TMEM132C: variants seen among roughly 807,000 people sequenced by gnomAD.
TMEM132C encodes transmembrane protein 132C.
In TMEM132C, 29 loss-of-function variants were observed where a neutral mutation model predicts 61.4. The observed-to-expected ratio is 0.47, with a 90% CI of 0.35 to 0.64. The LOEUF (loss-of-function observed/expected upper bound fraction) is 0.64. TMEM132C is among the 30% of genes least tolerant of loss of function. The probability of loss-of-function intolerance (pLI) is 0.00; values close to 1 mark genes in which losing one functional copy is unlikely to be tolerated. For synonymous variants in TMEM132C, 656 were observed against 633.1 expected, an observed-to-expected ratio of 1.04 and a Z score of -0.54; for missense variants, 1,408 against 1,476.9, an observed-to-expected ratio of 0.95 and a Z score of 0.76.
intron 1 of TMEM132C, among the ~76,000 whole-genome samples, chr12:128,334,037 G>C (rs899881564): frequency 1.3e-5 from 2 of 151,988 alleles, no homozygotes; most frequent in Non-Finnish European, 2.9e-5. Context: ...GTGTGGGAGC[G>C]AGGGAGGAAG....
At chr12:128,311,092 TTCTTAC>T (rs1219492461) in intron 1 of TMEM132C, among the ~76,000 whole-genome samples, 1 of 152,266 alleles carries the variant, frequency 6.6e-6, no homozygotes, top group Non-Finnish European at 1.5e-5. Context: ...AACACTATTA[TTCTTAC>T]GAATACTAGT....
At chr12:128,562,579 C>T (rs1874562191) in intron 3 of TMEM132C, among the ~76,000 whole-genome samples, 1 of 152,158 alleles carries the variant, frequency 6.6e-6, no homozygotes, top group Admixed American at 6.5e-5. Flanking sequence ...AATTTCCCCA[C>T]CTTAGAAGGA....
At chr12:128,463,934 G>A (rs548678883) in intron 2 of TMEM132C, among the ~76,000 whole-genome samples, 1 of 152,294 alleles carries the variant, frequency 6.6e-6, no homozygotes, top group South Asian at 2.1e-4. Context: ...TCATGTGTGA[G>A]TCATAAATAA....
chr12:128,686,392 C>G (rs564742965), intron 5 of TMEM132C, among the ~76,000 whole-genome samples: 1 of 152,278 alleles, frequency 6.6e-6, no homozygotes, highest in South Asian at 2.1e-4. Flanking sequence ...ATTAGTTGGA[C>G]CAACCTGGGA....
At chr12:128,547,139 C>T (rs546277847) in intron 3 of TMEM132C, among the ~76,000 whole-genome samples, 9 of 152,296 alleles carry the variant, frequency 5.9e-5, no homozygotes, top group South Asian at 2.1e-4. Flanking sequence ...CCCTTCCTGG[C>T]GGGGTCCAGC....
chr12:128,358,688 C>T (rs1873599581), intron 1 of TMEM132C, among the ~76,000 whole-genome samples: 1 of 152,106 alleles, frequency 6.6e-6, no homozygotes, highest in Admixed American at 6.6e-5. Context: ...TGGAGAGCTC[C>T]ATGTGATACC....
chr12:128,324,843 A>G (rs1872453438), intron 1 of TMEM132C, among the ~76,000 whole-genome samples: 1 of 152,238 alleles, frequency 6.6e-6, no homozygotes, highest in African/African-American at 2.4e-5. Context: ...AATTTTAAAA[A>G]AAATGTTGTG....
intron 2 of TMEM132C, among the ~76,000 whole-genome samples, chr12:128,507,424 A>G (rs1441425273): frequency 7.3e-6 from 1 of 137,754 alleles, no homozygotes; most frequent in South Asian, 2.2e-4. Flanking sequence ...TTTTTTTTAA[A>G]TAAGACCAAG....
chr12:128,559,488 GT>G (rs1310118802), intron 3 of TMEM132C, among the ~76,000 whole-genome samples: 1 of 152,114 alleles, frequency 6.6e-6, no homozygotes, highest in Non-Finnish European at 1.5e-5. Context: ...GACTAGCTGA[GT>G]AAAATGGTGT....
At chr12:128,699,757 C>T (rs1954790468) in intron 8 of TMEM132C, among the ~76,000 whole-genome samples, 1 of 152,194 alleles carries the variant, frequency 6.6e-6, no homozygotes, top group Non-Finnish European at 1.5e-5. Flanking sequence ...TGCCCATGTT[C>T]TGGGAACTGG....
Position 128,415,016 on chromosome 12 carries a change from A to G in TMEM132C, c.370A>G (p.Lys124Glu), listed in dbSNP as rs1487771690. ...LTSNFLGPTN[K>E]FSFDWKLKAH... The stretch of plus-strand genomic sequence containing the variant: ...TTCAAACTTTTTAGGTCCAACCAAT[A>G]AGTTTAGTTTTGATTGGAAACTAAA... The change falls in exon 2 of 9, where the codon AAG becomes GAG. Residue 124 changes from lysine to glutamate, a missense_variant. Lys to Glu is a moderately conservative substitution (Grantham distance 56). Transcript: ENST00000435159. This position sits in a 1 kb window ranked among gnomAD's most constrained non-coding sequence, Gnocchi z 5.8. 1 of 1,558,252 alleles carries G rather than the reference A, an allele frequency of 6.4e-7. No individual in the cohort carries two copies. The highest frequency in any genetic ancestry group is 1.9e-5 in the Admixed American group (1 of 51,664).
chr12:128,436,389 C>T (rs1318725367), intron 2 of TMEM132C, among the ~76,000 whole-genome samples: 1 of 152,200 alleles, frequency 6.6e-6, no homozygotes, highest in African/African-American at 2.4e-5. Context: ...AAAATTTTTG[C>T]AATCTCCCCA....
intron 1 of TMEM132C, among the ~76,000 whole-genome samples, chr12:128,313,757 G>A (rs985902874): frequency 1.3e-5 from 2 of 152,218 alleles, no homozygotes; most frequent in Admixed American, 6.5e-5. Context: ...CACTGGCAGT[G>A]AGGATTTCTG....
At position 128,697,301 on chromosome 12, in the gene TMEM132C, C is replaced by G. The variant is rs554001990; in HGVS notation, c.2007C>G (p.Asp669Glu). The G allele has an allele frequency of 1.9e-6, 3 of 1,551,028 alleles. No individual in the cohort carries two copies. The highest frequency in any genetic ancestry group is 2.4e-5 in the South Asian group (2 of 83,962). The stretch of plus-strand genomic sequence containing the variant: ...TAGATGACAAAGTATCGGTGACAGA[C>G]TTGGCCATCCAGCTCGTGGCTGGGC... Reference protein sequence around the residue: ...TVLDDKVSVTDLAIQLVAGLS... With the variant: ...TVLDDKVSVTELAIQLVAGLS... The change falls in exon 8 of 9, where the codon GAC (aspartate) becomes GAG (glutamate). Residue 669 changes from aspartate to glutamate, a missense_variant. Coordinates refer to ENST00000435159, the MANE Select transcript of TMEM132C (RefSeq NM_001136103.3).
Position 128,663,406 on chromosome 12 carries a change from C to G in TMEM132C, c.1306-6011C>G, listed in dbSNP as rs1185914477. Among the ~76,000 whole-genome samples the G allele has an allele frequency of 2.0e-5, 3 of 152,214 alleles. No individual in the cohort carries two copies. In the East Asian group the frequency reaches 5.8e-4, roughly 29 times the overall value. The stretch of plus-strand genomic sequence containing the variant: ...TGTTCATGATCCATCCATGTTGTTG[C>G]ATGCATGCATTCCTTTTTGTGGCTG... On this transcript the variant is annotated intron_variant, in intron 4 of 8. Transcript: ENST00000435159.
chr12:128,453,900 C>T (rs1240992474), intron 2 of TMEM132C, among the ~76,000 whole-genome samples: 2 of 152,146 alleles, frequency 1.3e-5, no homozygotes, highest in African/African-American at 2.4e-5. Flanking sequence ...CAATTATGTT[C>T]GATTTTTAAA....
At chr12:128,436,640 G>A (rs1189996993) in intron 2 of TMEM132C, among the ~76,000 whole-genome samples, 2 of 152,152 alleles carry the variant, frequency 1.3e-5, no homozygotes, top group African/African-American at 4.8e-5. Flanking sequence ...AAAAAGTCAG[G>A]AAACAACAGG....
chr12:128,678,527 A>C (rs1469009655), intron 5 of TMEM132C, among the ~76,000 whole-genome samples: 3 of 152,242 alleles, frequency 2.0e-5, no homozygotes, highest in Non-Finnish European at 4.4e-5. Context: ...GGCCTACCCC[A>C]GAAGATTGTT....
Position 128,356,396 on chromosome 12 carries a change from T to C in TMEM132C, c.86-58336T>C, listed in dbSNP as rs1462863731. ...AACCTATTCTCTGTCTCCTAAAGAG[T>C]TGAATTTGCATCAATAAAACGCGTC... On this transcript the variant is annotated intron_variant, in intron 1 of 8. Coordinates refer to ENST00000435159, the MANE Select transcript of TMEM132C (RefSeq NM_001136103.3). Among the ~76,000 whole-genome samples, 7 of 151,780 alleles carry C rather than the reference T, an allele frequency of 4.6e-5. No homozygotes were observed. In the East Asian group the frequency reaches 1.4e-3, roughly 29 times the overall value.
Sources: allele counts gnomAD v4.1 joint callset (sites outside exome capture counted in the v4.1 genomes callset), GRCh38; gene constraint gnomAD v4.1.1; non-coding constraint Gnocchi (gnomAD v3.1); transcripts MANE v1.5; gene names NCBI Gene and HGNC (gene_info 2026-07-23, HGNC 2026-07-21).